The following MACROD2 variants were observed in gnomAD, a reference collection of about 807,000 sequenced individuals.
MACROD2 encodes ADP-ribose glycohydrolase MACROD2.
In MACROD2, 36 loss-of-function variants were observed where a neutral mutation model predicts 70.4. That is an observed-to-expected ratio of 0.51 (90% CI 0.39 to 0.68). The LOEUF is 0.68. MACROD2 is among the 30% of genes least tolerant of loss of function. MACROD2 has a pLI of 0.00. For synonymous variants in MACROD2, 172 were observed against 178.8 expected (o/e 0.96, Z 0.30); for missense variants, 496 against 538.4 (o/e 0.92, Z 0.78).
chr20:14,140,440 T>C (rs2054855580), intron 3 of MACROD2, among the ~76,000 whole-genome samples: 1 of 152,218 alleles, frequency 6.6e-6, no homozygotes, highest in Non-Finnish European at 1.5e-5. Context: ...AATATTCTTA[T>C]CTTGATTCTG....
intron 3 of MACROD2, among the ~76,000 whole-genome samples, chr20:14,255,020 A>G (rs2082041964): frequency 6.6e-6 from 1 of 152,162 alleles, no homozygotes; most frequent in Non-Finnish European, 1.5e-5. Flanking sequence ...TTGGCTGGAT[A>G]TGAAATTCTG....
chr20:14,610,590 G>T (rs1251712926), intron 4 of MACROD2, among the ~76,000 whole-genome samples: 2 of 151,976 alleles, frequency 1.3e-5, no homozygotes, highest in Non-Finnish European at 2.9e-5. Context: ...TAAGTATAGT[G>T]TTTGCTTGTT....
At chr20:15,105,235 T>A (rs2075902041) in intron 5 of MACROD2, among the ~76,000 whole-genome samples, 1 of 152,136 alleles carries the variant, frequency 6.6e-6, no homozygotes, top group Non-Finnish European at 1.5e-5. Context: ...TTGTCTTGGC[T>A]CTATTTGTAA....
At chr20:15,170,794 A>G (rs1333872208) in intron 5 of MACROD2, among the ~76,000 whole-genome samples, 1 of 152,220 alleles carries the variant, frequency 6.6e-6, no homozygotes, top group Non-Finnish European at 1.5e-5. Flanking sequence ...GGGTTAGCAA[A>G]GGCTTTTCAG....
At chr20:15,918,948 A>G (rs909472220) in intron 10 of MACROD2, among the ~76,000 whole-genome samples, 3 of 152,214 alleles carry the variant, frequency 2.0e-5, no homozygotes, top group African/African-American at 7.2e-5. Context: ...GGTGCTCTGC[A>G]TATTAAATGA....
At chr20:15,300,549 A>G (rs1413444783) in intron 6 of MACROD2, among the ~76,000 whole-genome samples, 4 of 152,222 alleles carry the variant, frequency 2.6e-5, no homozygotes, top group Non-Finnish European at 5.9e-5. Context: ...AGACCTACTG[A>G]ACTAGACTCT....
At position 15,842,204 on chromosome 20, in the gene MACROD2, G is replaced by C. The variant is rs994806023; in HGVS notation, c.646-20541G>C. The stretch of plus-strand genomic sequence containing the variant: ...TAAGGACCACCTACTGTCAGGGTAG[G>C]CTTTGTGACTTCCCAATGCCGGTGG... On this transcript the variant is annotated intron_variant, in intron 8 of 17. Transcript: ENST00000684519. Among the ~76,000 whole-genome samples, 9 of 152,140 alleles carry C rather than the reference G, an allele frequency of 5.9e-5. No homozygotes were observed. The East Asian group carries it at 1.7e-3, about 30-fold the overall frequency.
At chr20:14,194,640 G>A (rs2081415343) in intron 3 of MACROD2, among the ~76,000 whole-genome samples, 1 of 152,160 alleles carries the variant, frequency 6.6e-6, no homozygotes, top group African/African-American at 2.4e-5. Flanking sequence ...TGAGTCAGAT[G>A]GAGCGGGGAT....
chr20:14,082,017 T>C (rs562119740), intron 2 of MACROD2, among the ~76,000 whole-genome samples: 1 of 152,126 alleles, frequency 6.6e-6, no homozygotes, highest in Non-Finnish European at 1.5e-5. Context: ...AGTATATTTA[T>C]TCAATAAATA....
intron 5 of MACROD2, among the ~76,000 whole-genome samples, chr20:15,037,217 T>G (rs2075320142): frequency 1.3e-5 from 2 of 152,146 alleles, no homozygotes; most frequent in Admixed American, 6.5e-5. Flanking sequence ...CATCTTTACA[T>G]TTTTACTCTA....
At chr20:14,088,842 C>CT (rs1381966009) in intron 3 of MACROD2, among the ~76,000 whole-genome samples, 2 of 152,084 alleles carry the variant, frequency 1.3e-5, no homozygotes, top group Non-Finnish European at 2.9e-5. Flanking sequence ...TTGTAGATCT[C>CT]TGACTAATAG....
intron 5 of MACROD2, among the ~76,000 whole-genome samples, chr20:15,005,109 C>T (rs995797977): frequency 2.6e-5 from 4 of 152,080 alleles, no homozygotes; most frequent in African/African-American, 7.2e-5. Flanking sequence ...CTACAATAAC[C>T]TATTGACTAT....
At chr20:15,418,066 G>A (rs563061038) in intron 6 of MACROD2, among the ~76,000 whole-genome samples, 1 of 152,264 alleles carries the variant, frequency 6.6e-6, no homozygotes, top group African/African-American at 2.4e-5. Flanking sequence ...TCAAAGGATC[G>A]GGGCTTCTGT....
chr20:14,382,060 ATTTT>A (rs11475740), intron 3 of MACROD2, among the ~76,000 whole-genome samples: 3 of 122,470 alleles, frequency 2.4e-5, no homozygotes, highest in Non-Finnish European at 3.4e-5. Flanking sequence ...AATGGGATTG[ATTTT>A]TTTTTTTTTT....
In MACROD2 at chr20:14,195,381, G is replaced by C. The variant is rs181356076; in HGVS notation, c.271+109653G>C. Among the ~76,000 whole-genome samples, 59 of 152,228 alleles carry C rather than the reference G, an allele frequency of 3.9e-4. 1 individual carries two copies. Among genetic ancestry groups the C allele is most frequent in the African/African-American group, 1.3e-3 (55 of 41,538 alleles). The stretch of plus-strand genomic sequence containing the variant: ...CCCTCTGATACAGAAATGGGGAAGG[G>C]AAGTGCTGGGAAGGGAAGGGCATGG... On this transcript the variant is annotated intron_variant, in intron 3 of 17. Coordinates refer to ENST00000684519, the MANE Select transcript of MACROD2 (RefSeq NM_001351661.2).
chr20:14,472,934 A>AG (rs2084546955), intron 3 of MACROD2, among the ~76,000 whole-genome samples: 1 of 152,070 alleles, frequency 6.6e-6, no homozygotes, highest in Non-Finnish European at 1.5e-5. Context: ...GTAAGAAGGT[A>AG]GGAAGGGAGG....
intron 6 of MACROD2, among the ~76,000 whole-genome samples, chr20:15,406,320 A>T (rs2046000579): frequency 6.6e-6 from 1 of 152,216 alleles, no homozygotes; most frequent in Non-Finnish European, 1.5e-5. Context: ...CGAATACTTC[A>T]TCATATTCTG....
At chr20:15,081,003 A>G (rs2075699113) in intron 5 of MACROD2, among the ~76,000 whole-genome samples, 1 of 151,974 alleles carries the variant, frequency 6.6e-6, no homozygotes, top group African/African-American at 2.4e-5. Flanking sequence ...TTTATTGTTT[A>G]TCTACTCCAC....
chr20:15,156,576 G>T (rs577562287), intron 5 of MACROD2, among the ~76,000 whole-genome samples: 2 of 152,226 alleles, frequency 1.3e-5, no homozygotes, highest in South Asian at 4.1e-4. Flanking sequence ...AATTACCCAA[G>T]TATCCCTTTC....
Sources: gnomAD v4.1 joint callset for allele counts (sites outside exome capture counted in the v4.1 genomes callset) on GRCh38, gnomAD v4.1.1 for gene constraint, MANE v1.5 for transcripts, NCBI Gene and HGNC (gene_info 2026-07-23, HGNC 2026-07-21) for gene names.